DPY19L1: variants seen among roughly 807,000 people sequenced by gnomAD.
The protein encoded by DPY19L1 is protein C-mannosyl-transferase DPY19L1.
Under a neutral mutation model 96.9 loss-of-function variants are expected in DPY19L1, and 35 were observed. That is an observed-to-expected ratio of 0.36 (90% CI 0.28 to 0.48). DPY19L1 has a LOEUF of 0.48. DPY19L1 is among the 20% of genes least tolerant of loss of function. The pLI, the probability that DPY19L1 is intolerant of heterozygous loss-of-function variation, is 0.99. For missense variants in DPY19L1, 521 were observed against 777.9 expected, an observed-to-expected ratio of 0.67 and a Z score of 3.93; for synonymous variants, 205 against 252.6, an observed-to-expected ratio of 0.81 and a Z score of 1.79.
At chr7:34,957,625 CA>C (rs1784406732) in intron 11 of DPY19L1, among the ~76,000 whole-genome samples, 1 of 151,906 alleles carries the variant, frequency 6.6e-6, no homozygotes, top group Non-Finnish European at 1.5e-5. Flanking sequence ...AAACAAAAAA[CA>C]GAAGAAAAAG....
chr7:34,994,767 GT>G (rs763668199), intron 6 of DPY19L1, among the ~76,000 whole-genome samples: 1 of 151,048 alleles, frequency 6.6e-6, no homozygotes, highest in Non-Finnish European at 1.5e-5. Flanking sequence ...CTGTGCCACT[GT>G]ACTCCAGCCT....
intron 8 of DPY19L1, among the ~76,000 whole-genome samples, chr7:34,970,544 T>C (rs1429138729): frequency 2.0e-5 from 3 of 152,236 alleles, no homozygotes; most frequent in Admixed American, 2.0e-4. Flanking sequence ...TGTATGTGTA[T>C]ACTAAGCCGC....
rs777193250 is a variant in DPY19L1 at position 34,931,534 on chromosome 7, A to G, written c.*39T>C. On this transcript the variant is annotated 3_prime_UTR_variant, in exon 22 of 22. Coordinates refer to ENST00000638088, the MANE Select transcript of DPY19L1 (RefSeq NM_001366673.1). Reference sequence around the variant, plus strand: ...GACTTAGCAAAACATTAAAACCATTACAGATGTAGTTCTCCGTAGGCAGCA... The same window carrying G: ...GACTTAGCAAAACATTAAAACCATTGCAGATGTAGTTCTCCGTAGGCAGCA... The G allele has an allele frequency of 1.4e-5, 21 of 1,491,304 alleles. No homozygotes were observed. The highest frequency in any genetic ancestry group is 1.9e-5 in the Non-Finnish European group (21 of 1,121,438). The allele number at this position is 1,491,304 out of a possible 1,614,324, so 92.4% of individuals were successfully genotyped here. A position where few individuals can be genotyped will look rare whatever the true frequency, so the allele number is the denominator to read the frequency against.
chr7:35,001,211 T>A, intron 6 of DPY19L1, among the ~76,000 whole-genome samples: 1 of 152,194 alleles, frequency 6.6e-6, no homozygotes, highest in Non-Finnish European at 1.5e-5. Flanking sequence ...TCAGTGAAGA[T>A]TGGAATCTGC....
chr7:35,027,460 G>C (rs1786151593), intron 1 of DPY19L1, among the ~76,000 whole-genome samples: 1 of 151,962 alleles, frequency 6.6e-6, no homozygotes, highest in African/African-American at 2.4e-5. Flanking sequence ...AATCTATTTT[G>C]AATTGGAAAA....
chr7:35,018,465 T>C lies in DPY19L1; in HGVS notation c.323+107A>G. The C allele has an allele frequency of 3.0e-6, 3 of 992,392 alleles. No homozygotes were observed. In the South Asian group the frequency reaches 4.3e-5, roughly 14 times the overall value. The allele number at this position is 992,392 out of a possible 1,614,324, so 61.5% of individuals were successfully genotyped here. A position where few individuals can be genotyped will look rare whatever the true frequency, so the allele number is the denominator to read the frequency against. The stretch of plus-strand genomic sequence containing the variant: ...AGACTATTGTGTTACATGTAATATA[T>C]ATTCATACTGATCATGCTGAAATTA... On this transcript the variant is annotated intron_variant, in intron 2 of 21. Transcript: ENST00000638088.
At chr7:35,001,472 T>C (rs1785425618) in intron 6 of DPY19L1, among the ~76,000 whole-genome samples, 1 of 152,212 alleles carries the variant, frequency 6.6e-6, no homozygotes, top group African/African-American at 2.4e-5. Flanking sequence ...ACAGAGTCTC[T>C]TAAACTCATT....
intron 1 of DPY19L1, among the ~76,000 whole-genome samples, chr7:35,022,657 G>C (rs1159154069): frequency 6.6e-6 from 1 of 152,202 alleles, no homozygotes; most frequent in Non-Finnish European, 1.5e-5. Context: ...GCACAAAGCT[G>C]AGCACGCTCA....
At chr7:35,017,671 CG>C (rs1340793979) in intron 3 of DPY19L1, among the ~76,000 whole-genome samples, 5 of 148,352 alleles carry the variant, frequency 3.4e-5, no homozygotes, top group African/African-American at 7.4e-5. Flanking sequence ...GACTCCGTCT[CG>C]AAAAAAAAAT....
chr7:35,025,404 C>T (rs1436758736), intron 1 of DPY19L1, among the ~76,000 whole-genome samples: 1 of 151,934 alleles, frequency 6.6e-6, no homozygotes, highest in East Asian at 1.9e-4. Context: ...ACATTAAGCA[C>T]TCAAGCAGAT....
chr7:34,989,863 G>C (rs1562818450), intron 7 of DPY19L1, 21 bp downstream of exon 7: 1 of 1,569,050 alleles, frequency 6.4e-7, no homozygotes, highest in African/African-American at 1.4e-5. Context: ...GTAATTCTGA[G>C]AATAGTTTTT....
intron 1 of DPY19L1, among the ~76,000 whole-genome samples, chr7:35,020,585 T>G (rs1254720862): frequency 6.6e-6 from 1 of 152,232 alleles, no homozygotes; most frequent in Non-Finnish European, 1.5e-5. Context: ...TATTATACAT[T>G]ATTGGATATT....
intron 10 of DPY19L1, among the ~76,000 whole-genome samples, chr7:34,958,318 CACTT>C (rs1204750464): frequency 6.6e-6 from 1 of 152,156 alleles, no homozygotes; most frequent in Non-Finnish European, 1.5e-5. Context: ...CACAAATGGA[CACTT>C]ACCCCACAAG....
intron 4 of DPY19L1, 132 bp from the exon 5 acceptor site, chr7:35,011,582 T>A: frequency 1.2e-6 from 1 of 860,468 alleles, no homozygotes; most frequent in Non-Finnish European, 1.7e-6. Flanking sequence ...CCTTTAAATG[T>A]AGTAAAACAA....
At chr7:34,939,935 G>T (rs1783960857) in intron 19 of DPY19L1, among the ~76,000 whole-genome samples, 1 of 152,018 alleles carries the variant, frequency 6.6e-6, no homozygotes. Context: ...ATAAAAAATG[G>T]CAGAATAAAT....
chr7:34,939,998 A>G (rs1207924813), intron 19 of DPY19L1, among the ~76,000 whole-genome samples, 155 bp downstream of exon 19: 2 of 152,226 alleles, frequency 1.3e-5, no homozygotes, highest in African/African-American at 2.4e-5. Flanking sequence ...AACAGGATTG[A>G]TATCTCCTTT....
intron 7 of DPY19L1, among the ~76,000 whole-genome samples, chr7:34,984,980 C>G (rs1311034743): frequency 6.6e-6 from 1 of 152,094 alleles, no homozygotes; most frequent in East Asian, 1.9e-4. Context: ...TTGCACATCT[C>G]AAGCATCAAA....
rs35977506 is a variant in DPY19L1, at chr7:34,968,768, C to CAAA, written c.1014+662_1014+664dup. On this transcript the variant is annotated intron_variant, in intron 9 of 21. Coordinates refer to ENST00000638088, the MANE Select transcript of DPY19L1 (RefSeq NM_001366673.1). ...TGGGCGACAGAGAAAGACTCCATCG[C>CAAA]AAAAAAAAAAAAAAAAAAAAAAAAA... 1.9e-3 allele frequency among the ~76,000 whole-genome samples: 17 copies of CAAA among 8,898 alleles called. 5 individuals are homozygous for CAAA. Among genetic ancestry groups the CAAA allele is most frequent in the African/African-American group, 3.1e-3 (9 of 2,866 alleles). The allele number at this position is 8,898 out of a possible 152,430, so 5.8% of individuals were successfully genotyped here.
At chr7:34,953,330 G>A (rs1784308085) in intron 13 of DPY19L1, among the ~76,000 whole-genome samples, 1 of 152,066 alleles carries the variant, frequency 6.6e-6, no homozygotes, top group Non-Finnish European at 1.5e-5. Context: ...ATAATTTTAG[G>A]CTATGACAGA....
Sources: allele counts gnomAD v4.1 joint callset (sites outside exome capture counted in the v4.1 genomes callset), GRCh38; gene constraint gnomAD v4.1.1; transcripts MANE v1.5; gene names NCBI Gene and HGNC (gene_info 2026-07-23, HGNC 2026-07-21).